Variants in MEGF9 observed in about 807,000 individuals in gnomAD.
MEGF9 encodes the protein multiple epidermal growth factor-like domains protein 9.
In MEGF9, 6 loss-of-function variants were observed where a neutral mutation model predicts 46.8. That is an observed-to-expected ratio of 0.13 (90% confidence interval 0.07 to 0.25). The LOEUF is 0.25. Ranked by LOEUF, MEGF9 falls within the 10% of genes least tolerant of loss-of-function variation. The pLI is 1.00. For synonymous variants in MEGF9, 302 were observed against 330.7 expected, an observed-to-expected ratio of 0.91 and a Z score of 0.94; for missense variants, 683 against 792.4, an observed-to-expected ratio of 0.86 and a Z score of 1.66.
rs762468873 is a variant in MEGF9, at chr9:120,612,413, G to A, written c.1070C>T (p.Thr357Ile). The change falls in exon 4 of 6, where the codon ACA becomes ATA. Residue 357 changes from threonine (T) to isoleucine (I), a missense_variant. Transcript: ENST00000373930. ...LRCPCSAVTSTGSCSIKSSEL... is the reference protein window; with the variant it reads ...LRCPCSAVTSIGSCSIKSSEL... ...GGCCTTACTTATAGAGCAGCTGCCT[G>A]TAGATGTCACTGCTGAACAAGGGCA... 1.6e-5 allele frequency: 25 copies of A among 1,612,236 alleles called. No homozygotes were observed. The highest frequency in any genetic ancestry group is 1.9e-5 in the Non-Finnish European group (22 of 1,179,282).
At position 120,681,679 on chromosome 9, in the gene MEGF9, A is replaced by G. The variant is rs2043799227; in HGVS notation, c.602-22104T>C. 2.6e-5 allele frequency among the ~76,000 whole-genome samples: 4 copies of G among 151,996 alleles called. No homozygotes were observed. In the South Asian group the frequency reaches 8.3e-4, roughly 31 times the overall value. On this transcript the variant is annotated intron_variant, in intron 1 of 5. Coordinates refer to ENST00000373930, the MANE Select transcript of MEGF9 (RefSeq NM_001080497.3). ...TGCCTAGAAGGCTTAAGAGTATTCT[A>G]TCCTAATTACCATATACCTATTAAT...
At chr9:120,701,559 C>T (rs1274341342) in intron 1 of MEGF9, among the ~76,000 whole-genome samples, 1 of 152,126 alleles carries the variant, frequency 6.6e-6, no homozygotes, top group Admixed American at 6.5e-5. Flanking sequence ...AACAGCAATC[C>T]CGTCTGATCT....
chr9:120,672,668 G>C (rs1256233904), intron 1 of MEGF9, among the ~76,000 whole-genome samples: 1 of 152,066 alleles, frequency 6.6e-6, no homozygotes, highest in South Asian at 2.1e-4. Context: ...CAGATAACAT[G>C]AAAGCTTATG....
In MEGF9 at chr9:120,682,572, T is replaced by TACAC. The variant is rs34220125; in HGVS notation, c.602-23001_602-22998dup. Among the ~76,000 whole-genome samples the TACAC allele has an allele frequency of 4.7e-3, 710 of 150,432 alleles. 4 individuals carry two copies. The highest frequency in any genetic ancestry group is 6.8e-3 in the African/African-American group (278 of 41,056). On this transcript the variant is annotated intron_variant, in intron 1 of 5. Coordinates refer to ENST00000373930, the MANE Select transcript of MEGF9 (RefSeq NM_001080497.3). ...TTCACATTCATCCCCAACCAATTCT[T>TACAC]ACACACACACACACACACGCACACA...
At chr9:120,684,322 G>C (rs951199460) in intron 1 of MEGF9, among the ~76,000 whole-genome samples, 2 of 152,224 alleles carry the variant, frequency 1.3e-5, no homozygotes, top group African/African-American at 4.8e-5. Flanking sequence ...AAATATACCT[G>C]TCTGCAGTTG....
Position 120,607,886 on chromosome 9 carries a change from G to A in MEGF9, c.1212C>T (p.Gly404=), listed in dbSNP as rs2043426590. ...DSICRKCQCH[G]HVDPVKTPKI... ...TTGGAGTTTTAACTGGGTCCACATG[G>A]CCGTGACATTGGCACTTTCTACAGA... is the stretch of plus-strand genomic sequence containing the variant. Residue 404 remains glycine (G), a synonymous_variant, in exon 5 of 6, where the codon GGC becomes GGT. Coordinates refer to ENST00000373930, the MANE Select transcript of MEGF9 (RefSeq NM_001080497.3). The A allele has an allele frequency of 6.2e-7, 1 of 1,613,824 alleles. No homozygotes were observed. The highest frequency in any genetic ancestry group is 1.3e-5 in the African/African-American group (1 of 74,896).
chr9:120,700,569 C>T (rs1016360928), intron 1 of MEGF9, among the ~76,000 whole-genome samples: 1 of 152,096 alleles, frequency 6.6e-6, no homozygotes, highest in Admixed American at 6.5e-5. Flanking sequence ...AAGCCCAATG[C>T]CTTCCTCTCA....
intron 2 of MEGF9, among the ~76,000 whole-genome samples, chr9:120,623,546 TAGG>T (rs748117479): frequency 3.2e-4 from 48 of 152,316 alleles, no homozygotes; most frequent in African/African-American, 8.4e-4. Flanking sequence ...GATCATAGTA[TAGG>T]AGATGTTTTT....
chr9:120,712,088 C>G (rs2043956689), intron 1 of MEGF9, among the ~76,000 whole-genome samples: 1 of 152,068 alleles, frequency 6.6e-6, no homozygotes, highest in South Asian at 2.1e-4. Context: ...GAGCCCTCAT[C>G]TCTACAAAAA....
intron 2 of MEGF9, among the ~76,000 whole-genome samples, chr9:120,655,892 A>G (rs762278627): frequency 6.6e-6 from 1 of 152,206 alleles, no homozygotes; most frequent in Non-Finnish European, 1.5e-5. Context: ...CAGTCTACCA[A>G]TTATATCTGG....
chr9:120,685,521 T>A (rs2043818013), intron 1 of MEGF9, among the ~76,000 whole-genome samples: 1 of 152,214 alleles, frequency 6.6e-6, no homozygotes, highest in Non-Finnish European at 1.5e-5. Flanking sequence ...ATGATATCTA[T>A]TTCCACACTA....
chr9:120,624,007 G>A (rs1224487261), intron 2 of MEGF9, among the ~76,000 whole-genome samples: 6 of 152,128 alleles, frequency 3.9e-5, no homozygotes, highest in African/African-American at 9.7e-5. Flanking sequence ...TATTAGTTTC[G>A]AACACAAAAT....
intron 1 of MEGF9, among the ~76,000 whole-genome samples, chr9:120,673,986 A>G (rs1193403388): frequency 6.6e-6 from 1 of 151,648 alleles, no homozygotes; most frequent in Non-Finnish European, 1.5e-5. Flanking sequence ...AAAAAAAAAA[A>G]AAATTAACTC....
At chr9:120,609,644 G>T (rs1053287348) in intron 4 of MEGF9, among the ~76,000 whole-genome samples, 9 of 151,844 alleles carry the variant, frequency 5.9e-5, no homozygotes. Context: ...ATTCTTCATA[G>T]GATTTCAATT....
chr9:120,690,646 T>A (rs1418350723), intron 1 of MEGF9, among the ~76,000 whole-genome samples: 4 of 152,088 alleles, frequency 2.6e-5, no homozygotes, highest in Non-Finnish European at 1.5e-5. Context: ...GCAACCAATA[T>A]CCTGGAATTT....
At chr9:120,677,516 C>T (rs1363020226) in intron 1 of MEGF9, among the ~76,000 whole-genome samples, 1 of 152,140 alleles carries the variant, frequency 6.6e-6, no homozygotes, top group African/African-American at 2.4e-5. Flanking sequence ...GAAGCAGTTG[C>T]TCAAGCTACA....
chr9:120,628,874 T>C (rs1181250227), intron 2 of MEGF9, among the ~76,000 whole-genome samples: 1 of 152,158 alleles, frequency 6.6e-6, no homozygotes, highest in Non-Finnish European at 1.5e-5. Flanking sequence ...CAAGAGATCT[T>C]TAGAGAATTG....
chr9:120,608,558 C>T (rs1326686915), intron 4 of MEGF9, among the ~76,000 whole-genome samples: 1 of 152,136 alleles, frequency 6.6e-6, no homozygotes, highest in African/African-American at 2.4e-5. Context: ...CATGGGTGGC[C>T]TCATCCACTG....
At chr9:120,684,886 TG>T (rs2043815094) in intron 1 of MEGF9, among the ~76,000 whole-genome samples, 1 of 151,500 alleles carries the variant, frequency 6.6e-6, no homozygotes, top group Non-Finnish European at 1.5e-5. Context: ...CAGTCTGGAG[TG>T]CAGTGGCACG....
Sources: gnomAD v4.1 joint callset for allele counts (sites outside exome capture counted in the v4.1 genomes callset) on GRCh38, gnomAD v4.1.1 for gene constraint, MANE v1.5 for transcripts, NCBI Gene and HGNC (gene_info 2026-07-23, HGNC 2026-07-21) for gene names.